ADGRL3: variants seen among roughly 807,000 people sequenced by gnomAD.
ADGRL3 encodes calcium-independent alpha-latrotoxin receptor 3.
A neutral mutation model predicts 153.5 loss-of-function variants in ADGRL3; 62 were observed. That is an observed-to-expected ratio of 0.40 (90% CI 0.33 to 0.50). The LOEUF (loss-of-function observed/expected upper bound fraction) is 0.50, where lower values mean the gene tolerates loss of function less well. Among genes scored for constraint, ADGRL3 ranks in the 20% least tolerant of loss-of-function variants. The probability of loss-of-function intolerance (pLI) is 0.47; values close to 1 mark genes in which losing one functional copy is unlikely to be tolerated. For synonymous variants in ADGRL3, 710 were observed against 672.5 expected (o/e 1.06, Z -0.86); for missense variants, 1,641 against 1,859.4 (o/e 0.88, Z 2.16).
chr4:61,945,824 C>G (rs1344011571), intron 15 of ADGRL3, among the ~76,000 whole-genome samples: 6 of 151,956 alleles, frequency 3.9e-5, no homozygotes. Context: ...CACTGGCCTG[C>G]GCCCACTGTC....
At chr4:61,215,604 T>C (rs1201288586) in intron 1 of ADGRL3, among the ~76,000 whole-genome samples, 2 of 133,974 alleles carry the variant, frequency 1.5e-5, no homozygotes, top group Non-Finnish European at 3.1e-5. Context: ...CAGGTTGGAG[T>C]GCAGTGGCCC....
At chr4:61,839,886 G>C (rs1658459072) in intron 9 of ADGRL3, among the ~76,000 whole-genome samples, 1 of 151,418 alleles carries the variant, frequency 6.6e-6, no homozygotes, top group Admixed American at 6.6e-5. Flanking sequence ...GGAGTTTGAG[G>C]CTGCAGGGAG....
chr4:62,039,109 T>G (rs1240554274), intron 24 of ADGRL3, among the ~76,000 whole-genome samples: 1 of 152,174 alleles, frequency 6.6e-6, no homozygotes, highest in Non-Finnish European at 1.5e-5. Flanking sequence ...TAAGAGTGAT[T>G]GCTTCATTTT....
chr4:61,645,645 C>T (rs879180928), intron 5 of ADGRL3, among the ~76,000 whole-genome samples: 14 of 152,130 alleles, frequency 9.2e-5, no homozygotes, highest in African/African-American at 2.4e-4. Context: ...GAGTTTCTGC[C>T]GAGAGATCCA....
chr4:61,813,993 G>C (rs1282694676), intron 9 of ADGRL3, 104 bp downstream of exon 9: 1 of 1,448,196 alleles, frequency 6.9e-7, no homozygotes, highest in Non-Finnish European at 9.3e-7. Context: ...TGTTCAAAAA[G>C]CAGGGGTAAA....
At chr4:61,673,294 A>G (rs533274592) in intron 5 of ADGRL3, among the ~76,000 whole-genome samples, 43 of 152,058 alleles carry the variant, frequency 2.8e-4, no homozygotes, top group Non-Finnish European at 5.0e-4. Context: ...ACAATACTGT[A>G]TTATATACTT....
At chr4:61,805,795 G>A (rs1298402572) in intron 8 of ADGRL3, among the ~76,000 whole-genome samples, 1 of 151,936 alleles carries the variant, frequency 6.6e-6, no homozygotes, top group African/African-American at 2.4e-5. Flanking sequence ...CTTTACATAG[G>A]GATATTGGGT....
intron 4 of ADGRL3, 145 bp from the exon 5 acceptor site, chr4:61,587,082 T>C (rs2098949454): frequency 2.1e-6 from 1 of 475,790 alleles, no homozygotes; most frequent in East Asian, 3.1e-5. Context: ...AAGAGAAAAA[T>C]ATTCTAGTTT....
intron 1 of ADGRL3, among the ~76,000 whole-genome samples, chr4:61,281,960 A>G (rs758520802): frequency 6.6e-6 from 1 of 152,086 alleles, no homozygotes; most frequent in African/African-American, 2.4e-5. Flanking sequence ...CTGTACTGGT[A>G]GGGCACTTGG....
At chr4:61,705,858 T>G (rs528693378) in intron 6 of ADGRL3, among the ~76,000 whole-genome samples, 1 of 152,224 alleles carries the variant, frequency 6.6e-6, no homozygotes, top group East Asian at 1.9e-4. Context: ...AAAAGAGAGG[T>G]TAAAATACTG....
intron 4 of ADGRL3, among the ~76,000 whole-genome samples, chr4:61,581,444 A>G (rs991354768): frequency 3.3e-5 from 5 of 152,082 alleles, no homozygotes; most frequent in African/African-American, 7.2e-5. Flanking sequence ...CAAAATGCGC[A>G]TGCCCTCCAC....
chr4:61,845,531 CT>C (rs77188989), intron 9 of ADGRL3, among the ~76,000 whole-genome samples: 240 of 139,208 alleles, frequency 1.7e-3, no homozygotes, highest in Middle Eastern at 3.8e-3. Flanking sequence ...TAATTTTTTT[CT>C]TTTTTTTTTT....
chr4:61,206,162 A>G (rs1400195009), intron 1 of ADGRL3, among the ~76,000 whole-genome samples: 1 of 152,252 alleles, frequency 6.6e-6, no homozygotes, highest in East Asian at 1.9e-4. Context: ...TCTTATTGAC[A>G]CTTAAAACAG....
At chr4:61,541,771 T>G (rs569438742) in intron 4 of ADGRL3, among the ~76,000 whole-genome samples, 1 of 151,638 alleles carries the variant, frequency 6.6e-6, no homozygotes, top group East Asian at 2.0e-4. Flanking sequence ...TCAAAGCAAA[T>G]AATCTGTAAA....
chr4:61,891,360 A>G (rs911225892), intron 9 of ADGRL3, among the ~76,000 whole-genome samples: 2 of 152,184 alleles, frequency 1.3e-5, no homozygotes, highest in Non-Finnish European at 2.9e-5. Flanking sequence ...GAACATTACC[A>G]TTCATATGGA....
intron 1 of ADGRL3, among the ~76,000 whole-genome samples, chr4:61,257,482 C>A (rs559956203): frequency 6.6e-6 from 1 of 151,978 alleles, no homozygotes; most frequent in Non-Finnish European, 1.5e-5. Flanking sequence ...GTTGTGTGGG[C>A]CAGTGAACCT....
chr4:61,962,216 G>A (rs905581722), intron 17 of ADGRL3, among the ~76,000 whole-genome samples: 2 of 151,936 alleles, frequency 1.3e-5, no homozygotes, highest in Non-Finnish European at 2.9e-5. Flanking sequence ...TCCAGCCTGG[G>A]TGGCAGAACA....
chr4:61,755,963 T>A (rs2096824629), intron 8 of ADGRL3, among the ~76,000 whole-genome samples: 1 of 152,228 alleles, frequency 6.6e-6, no homozygotes, highest in Non-Finnish European at 1.5e-5. Context: ...GGCTCTGTTC[T>A]GTTCCATTGA....
At chr4:61,369,386 T>A (rs1353307436) in intron 1 of ADGRL3, among the ~76,000 whole-genome samples, 1 of 152,208 alleles carries the variant, frequency 6.6e-6, no homozygotes, top group Non-Finnish European at 1.5e-5. Flanking sequence ...TAGCTCTTAT[T>A]ATTTTGAGAT....
Sources: gnomAD v4.1 joint callset for allele counts (sites outside exome capture counted in the v4.1 genomes callset) on GRCh38, gnomAD v4.1.1 for gene constraint, MANE v1.5 for transcripts, NCBI Gene and HGNC (gene_info 2026-07-23, HGNC 2026-07-21) for gene names.